Variants in LOC128462377 observed in about 807,000 individuals in gnomAD.
At chr16:89,415,598 C>G in the LOC128462377 span, among the ~76,000 whole-genome samples, 2 of 151,200 alleles carry the variant, frequency 1.3e-5, no homozygotes, top group Non-Finnish European at 2.9e-5. Flanking sequence ...ATTTTAATGC[C>G]AGATAAAACA....
At chr16:89,376,525 C>T in the LOC128462377 span, among the ~76,000 whole-genome samples, 1 of 152,222 alleles carries the variant, frequency 6.6e-6, no homozygotes, top group African/African-American at 2.4e-5. Context: ...GCAACTTCCA[C>T]CTGCTGGGTT....
chr16:89,384,990 A>G, the LOC128462377 span, among the ~76,000 whole-genome samples: 1 of 136,118 alleles, frequency 7.3e-6, no homozygotes, highest in Non-Finnish European at 1.5e-5. Context: ...GGTTCAAGTG[A>G]TTCTCCTGAC....
the LOC128462377 span, among the ~76,000 whole-genome samples, chr16:89,335,714 C>CAA: frequency 1.3e-5 from 2 of 152,232 alleles, no homozygotes; most frequent in Non-Finnish European, 2.9e-5. Context: ...CAGGGGCCTG[C>CAA]AAACAGCAAG....
the LOC128462377 span, among the ~76,000 whole-genome samples, chr16:89,326,995 G>A: frequency 5.3e-5 from 8 of 151,296 alleles, no homozygotes; most frequent in Non-Finnish European, 8.8e-5. Context: ...GCAGAGGTGG[G>A]GAATGCAGAG....
the LOC128462377 span, among the ~76,000 whole-genome samples, chr16:89,388,652 G>C: frequency 3.9e-5 from 6 of 152,278 alleles, no homozygotes; most frequent in East Asian, 1.2e-3. Flanking sequence ...CATAGAGCAG[G>C]AGCCCTGCGA....
the LOC128462377 span, among the ~76,000 whole-genome samples, chr16:89,402,007 G>A: frequency 6.6e-6 from 1 of 151,470 alleles, no homozygotes; most frequent in South Asian, 2.1e-4. Context: ...AGAGCCGTGG[G>A]AGAACAGATC....
At chr16:89,392,914 A>G in the LOC128462377 span, among the ~76,000 whole-genome samples, 1 of 151,966 alleles carries the variant, frequency 6.6e-6, no homozygotes, top group Admixed American at 6.6e-5. Flanking sequence ...CCACCTTGGG[A>G]CCTGCCTGCA....
the LOC128462377 span, among the ~76,000 whole-genome samples, chr16:89,410,566 T>C: frequency 6.6e-6 from 1 of 152,192 alleles, no homozygotes; most frequent in Non-Finnish European, 1.5e-5. Context: ...CTCTGCTTAC[T>C]GCTCTGGTTC....
At chr16:89,393,633 C>G in the LOC128462377 span, among the ~76,000 whole-genome samples, 1 of 151,892 alleles carries the variant, frequency 6.6e-6, no homozygotes, top group African/African-American at 2.4e-5. Flanking sequence ...GAAGCCACTG[C>G]GCCCGGCCTA....
chr16:89,348,609 A>C, the LOC128462377 span, among the ~76,000 whole-genome samples: 2 of 152,166 alleles, frequency 1.3e-5, no homozygotes, highest in African/African-American at 4.8e-5. Context: ...GTTAACTAAA[A>C]TTTCAATTTC....
the LOC128462377 span, among the ~76,000 whole-genome samples, chr16:89,370,939 A>G: frequency 1.3e-5 from 2 of 152,258 alleles, no homozygotes; most frequent in Admixed American, 1.3e-4. Context: ...GAGACGCCCA[A>G]GAACCAAGCC....
chr16:89,388,134 A>G, the LOC128462377 span, among the ~76,000 whole-genome samples: 2 of 152,118 alleles, frequency 1.3e-5, no homozygotes, highest in Non-Finnish European at 2.9e-5. Flanking sequence ...CCCTAATGCT[A>G]ACATCATACA....
chr16:89,317,897 T>C, the LOC128462377 span, among the ~76,000 whole-genome samples: 746 of 152,182 alleles, frequency 4.9e-3, 5 homozygotes, highest in African/African-American at 0.017. Flanking sequence ...ATCACCTTCT[T>C]ACCCAAGTTC....
chr16:89,413,359 C>G, the LOC128462377 span, among the ~76,000 whole-genome samples: 462 of 152,288 alleles, frequency 3.0e-3, no homozygotes, highest in African/African-American at 0.011. Context: ...GGCGCAGTGG[C>G]TCACGCCTGT....
the LOC128462377 span, among the ~76,000 whole-genome samples, chr16:89,395,404 C>T: frequency 6.6e-6 from 1 of 152,236 alleles, no homozygotes; most frequent in African/African-American, 2.4e-5. Context: ...CCGCTTGCTA[C>T]TGGCATGCAA....
chr16:89,337,736 G>C, the LOC128462377 span, among the ~76,000 whole-genome samples: 2 of 152,096 alleles, frequency 1.3e-5, no homozygotes, highest in Admixed American at 6.5e-5. Flanking sequence ...CACTGTGCCC[G>C]GCCTGGTCTA....
the LOC128462377 span, among the ~76,000 whole-genome samples, chr16:89,386,912 C>A: frequency 1.3e-5 from 2 of 151,714 alleles, 1 homozygote; most frequent in East Asian, 3.9e-4. Flanking sequence ...TGCCCCAGCT[C>A]CCCACGCCTC....
chr16:89,415,111 G>A, the LOC128462377 span, among the ~76,000 whole-genome samples: 1 of 152,022 alleles, frequency 6.6e-6, no homozygotes, highest in African/African-American at 2.4e-5. Context: ...ATGCCACCAT[G>A]CCTGGCTCAT....
At chr16:89,345,504 C>A in the LOC128462377 span, among the ~76,000 whole-genome samples, 2 of 152,222 alleles carry the variant, frequency 1.3e-5, no homozygotes, top group Non-Finnish European at 2.9e-5. Context: ...ACCAGGCCCT[C>A]CAGTGGCCCC....
Sources: allele counts gnomAD v4.1 joint callset (sites outside exome capture counted in the v4.1 genomes callset), GRCh38; gene constraint gnomAD v4.1.1; transcripts MANE v1.5.